Variants in CALN1 observed in about 807,000 individuals in gnomAD.
The protein encoded by CALN1 is calcium-binding protein 8.
Under a neutral mutation model 30.6 loss-of-function variants are expected in CALN1, and 17 were observed. The ratio of observed to expected loss-of-function variants is 0.56; its 90% CI spans 0.38 to 0.83. CALN1 has a LOEUF of 0.83. CALN1 is among the 40% of genes least tolerant of loss of function. CALN1 has a pLI of 0.00. For synonymous variants in CALN1, 156 were observed against 131.4 expected (o/e 1.19, Z -1.28); for missense variants, 291 against 354.9 (o/e 0.82, Z 1.45).
rs187088387 is a variant in CALN1 at position 72,313,940 on chromosome 7, C to T, written c.120-35130G>A. Among the ~76,000 whole-genome samples, 288 of 152,238 alleles carry T rather than the reference C, an allele frequency of 1.9e-3. 1 individual carries two copies. The highest frequency in any genetic ancestry group is 2.9e-3 in the South Asian group (14 of 4,818). On this transcript the variant is annotated intron_variant, in intron 2 of 6. Transcript: ENST00000395275. ...AACCACAGGGTGGACAAATTCTGTG[C>T]CTATTGTGGGTCTACACCACAAATG...
intron 2 of CALN1, among the ~76,000 whole-genome samples, chr7:72,388,401 T>A (rs1805374230): frequency 6.6e-6 from 1 of 151,818 alleles, no homozygotes; most frequent in African/African-American, 2.4e-5. Context: ...TACCGTTATA[T>A]CCTAAAATGA....
chr7:72,271,575 A>AAAAAAAAAAT, intron 3 of CALN1, among the ~76,000 whole-genome samples: 1 of 52,128 alleles, frequency 1.9e-5, no homozygotes, highest in African/African-American at 1.3e-4. Flanking sequence ...AAAAAAAAAA[A>AAAAAAAAAAT]ATATATATAT....
intron 5 of CALN1, among the ~76,000 whole-genome samples, chr7:71,904,487 A>T (rs2116961483): frequency 6.6e-6 from 1 of 152,328 alleles, no homozygotes; most frequent in East Asian, 1.9e-4. Context: ...GTGAAATCTA[A>T]AAATGTTTAT....
At chr7:72,329,613 T>C (rs930787258) in intron 2 of CALN1, among the ~76,000 whole-genome samples, 5 of 152,218 alleles carry the variant, frequency 3.3e-5, no homozygotes, top group East Asian at 3.8e-4. Context: ...TTCCCCACTT[T>C]ATCCCTTCAT....
intron 2 of CALN1, among the ~76,000 whole-genome samples, chr7:72,371,133 T>C (rs1179509685): frequency 6.6e-6 from 1 of 151,958 alleles, no homozygotes; most frequent in East Asian, 1.9e-4. Context: ...GCTTTTGGTG[T>C]CCTATTTTTA....
At chr7:72,009,451 TATTA>T (rs760614297) in intron 5 of CALN1, among the ~76,000 whole-genome samples, 4 of 152,362 alleles carry the variant, frequency 2.6e-5, no homozygotes, top group African/African-American at 9.6e-5. Context: ...ATAGGAAATC[TATTA>T]ATTATCACAT....
At chr7:72,106,870 A>C in intron 3 of CALN1, among the ~76,000 whole-genome samples, 1 of 136,838 alleles carries the variant, frequency 7.3e-6, no homozygotes, top group African/African-American at 2.7e-5. Context: ...GGAGGAAGGA[A>C]GGAAGGAAAA....
intron 6 of CALN1, among the ~76,000 whole-genome samples, chr7:71,791,685 T>A (rs957933061): frequency 6.6e-6 from 1 of 152,180 alleles, no homozygotes; most frequent in African/African-American, 2.4e-5. Flanking sequence ...AACCTGCACA[T>A]GTATCCCTGA....
At position 71,802,849 on chromosome 7, in the gene CALN1, C is replaced by T. The variant is rs545530186; in HGVS notation, c.658+7487G>A. Among the ~76,000 whole-genome samples the T allele has an allele frequency of 1.2e-4, 18 of 151,998 alleles. No homozygotes were observed. The South Asian group carries it at 3.8e-3, about 32-fold the overall frequency. ...ACCAGCCTGGCCAACATGGTGAAAC[C>T]TTGTCTGTACTAAAAATACAAAAAT... On this transcript the variant is annotated intron_variant, in intron 6 of 6. Transcript: ENST00000395275.
chr7:72,408,845 T>C (rs966256757), intron 1 of CALN1, among the ~76,000 whole-genome samples: 5 of 151,524 alleles, frequency 3.3e-5, no homozygotes, highest in African/African-American at 7.3e-5. Flanking sequence ...TCCTGGCTAA[T>C]TTTTGTATTT....
At chr7:72,362,607 A>G (rs1339644401) in intron 2 of CALN1, among the ~76,000 whole-genome samples, 1 of 152,074 alleles carries the variant, frequency 6.6e-6, no homozygotes, top group African/African-American at 2.4e-5. Context: ...GAGGCCTCTC[A>G]TCTCACACTC....
At chr7:72,231,720 G>A (rs977890396) in intron 3 of CALN1, among the ~76,000 whole-genome samples, 1 of 152,196 alleles carries the variant, frequency 6.6e-6, no homozygotes, top group Non-Finnish European at 1.5e-5. Flanking sequence ...ACTAGGTACA[G>A]AGCTCAGTGC....
At chr7:72,402,120 A>G (rs534840782) in intron 2 of CALN1, among the ~76,000 whole-genome samples, 3 of 152,152 alleles carry the variant, frequency 2.0e-5, no homozygotes, top group Non-Finnish European at 4.4e-5. Context: ...CCAGCTTTAC[A>G]TTGTCCTATT....
intron 4 of CALN1, among the ~76,000 whole-genome samples, chr7:72,033,964 T>C (rs1281239200): frequency 2.0e-5 from 3 of 151,870 alleles, no homozygotes; most frequent in African/African-American, 7.3e-5. Context: ...GCATTTCAGA[T>C]GGAACTAACG....
Position 72,379,629 on chromosome 7 carries a change from G to C in CALN1, c.119+23622C>G, listed in dbSNP as rs180809177. The stretch of plus-strand genomic sequence containing the variant: ...GTCAAATTTCACCTTGAAAACTCTT[G>C]CAAACACGTTCACAAAAATGTCCAA... On this transcript the variant is annotated intron_variant, in intron 2 of 6. Transcript: ENST00000395275. Among the ~76,000 whole-genome samples, 10 of 152,312 alleles carry C rather than the reference G, an allele frequency of 6.6e-5. No homozygotes were observed. In the South Asian group the frequency reaches 2.1e-3, roughly 32 times the overall value.
At chr7:72,487,900 A>AAG in the CALN1 span, among the ~76,000 whole-genome samples, 2 of 69,084 alleles carry the variant, frequency 2.9e-5, no homozygotes, top group African/African-American at 1.4e-4. Context: ...AAAAGAAAGA[A>AAG]AGAAAGAAAG....
At chr7:72,289,257 T>C (rs1798309619) in intron 2 of CALN1, among the ~76,000 whole-genome samples, 1 of 152,220 alleles carries the variant, frequency 6.6e-6, no homozygotes, top group East Asian at 1.9e-4. Flanking sequence ...AAGCTCTTAT[T>C]AGATGTACGT....
intron 6 of CALN1, among the ~76,000 whole-genome samples, chr7:71,791,644 A>G (rs1218877479): frequency 6.6e-6 from 1 of 152,100 alleles, no homozygotes; most frequent in Non-Finnish European, 1.5e-5. Context: ...TGTACAACAA[A>G]CGCCTGTGAC....
chr7:72,324,299 G>A (rs1248712344), intron 2 of CALN1, among the ~76,000 whole-genome samples: 5 of 152,076 alleles, frequency 3.3e-5, no homozygotes, highest in Non-Finnish European at 7.4e-5. Flanking sequence ...AAGTTCTGGA[G>A]GGATTTCACC....
Sources: allele counts gnomAD v4.1 joint callset (sites outside exome capture counted in the v4.1 genomes callset), GRCh38; gene constraint gnomAD v4.1.1; transcripts MANE v1.5; gene names NCBI Gene and HGNC (gene_info 2026-07-23, HGNC 2026-07-21).